Variants in KDM2B observed in about 807,000 individuals in gnomAD.
The protein encoded by KDM2B is lysine-specific demethylase 2B.
A neutral mutation model predicts 150.0 loss-of-function variants in KDM2B; 26 were observed. The ratio of observed to expected loss-of-function variants is 0.17; its 90% CI spans 0.13 to 0.24. The LOEUF (loss-of-function observed/expected upper bound fraction) is 0.24, where lower values mean the gene tolerates loss of function less well. Among genes scored for constraint, KDM2B ranks in the 10% least tolerant of loss-of-function variants. The probability of loss-of-function intolerance (pLI) is 1.00; values close to 1 mark genes in which losing one functional copy is unlikely to be tolerated. For synonymous variants in KDM2B, 734 were observed against 729.5 expected (o/e 1.01, Z -0.10); for missense variants, 1,265 against 1,816.9 (o/e 0.70, Z 5.52).
Position 121,430,123 on chromosome 12 carries a change from T to A in KDM2B, c.*165A>T. 1 of 1,613,078 alleles carries A rather than the reference T, an allele frequency of 6.2e-7. No individual in the cohort carries two copies. The highest frequency in any genetic ancestry group is 1.1e-5 in the South Asian group (1 of 91,034). On this transcript the variant is annotated 3_prime_UTR_variant, in exon 23 of 23. Coordinates refer to ENST00000377071, the MANE Select transcript of KDM2B (RefSeq NM_032590.5). This position sits in a 1 kb window ranked among gnomAD's most constrained non-coding sequence, Gnocchi z 4.4. Reference sequence around the variant, plus strand: ...CCAAAGGAAAGTGTCGGCTCACTCATCCCCCAAACGGGTGGTTGAACAGCT... The same window carrying A: ...CCAAAGGAAAGTGTCGGCTCACTCAACCCCCAAACGGGTGGTTGAACAGCT...
In KDM2B at chr12:121,448,037, G is replaced by C. The variant is rs532917362; in HGVS notation, c.1960-2619C>G. On this transcript the variant is annotated intron_variant, in intron 13 of 22. Transcript: ENST00000377071. ...TTTAAAATCTAAAAAAAAATTTCTT[G>C]GCCAGGAGTGATAGCACATGCCTGC... Among the ~76,000 whole-genome samples the C allele has an allele frequency of 2.0e-5, 3 of 151,906 alleles. No homozygotes were observed. In the East Asian group the frequency reaches 5.8e-4, roughly 29 times the overall value.
the KDM2B span, chr12:121,417,906 G>A: frequency 6.2e-7 from 1 of 1,613,586 alleles, no homozygotes; most frequent in South Asian, 1.1e-5. The surrounding 1 kb of genome is among the most constrained non-coding windows in gnomAD (Gnocchi z 5.0). Context: ...TGGAGTGCCG[G>A]CACAGGTACG....
At chr12:121,411,416 C>T in the KDM2B span, among the ~76,000 whole-genome samples, 1 of 152,032 alleles carries the variant, frequency 6.6e-6, no homozygotes, top group Non-Finnish European at 1.5e-5. Flanking sequence ...CTTCTATTCC[C>T]TTTACCAGAG....
rs782445348 is a variant in KDM2B at position 121,561,691 on chromosome 12, C to T, written c.398-12053G>A. On this transcript the variant is annotated intron_variant, in intron 4 of 22. Coordinates refer to ENST00000377071, the MANE Select transcript of KDM2B (RefSeq NM_032590.5). ...TTTTCTTCTGGGGGTCTATTGGAAGCATTGTGTTCTCCCAATCACTGAAAG... is the reference window on the plus strand; with the variant it reads ...TTTTCTTCTGGGGGTCTATTGGAAGTATTGTGTTCTCCCAATCACTGAAAG... Among the ~76,000 whole-genome samples the T allele has an allele frequency of 5.5e-4, 84 of 152,136 alleles. 2 individuals carry two copies. The highest frequency in any genetic ancestry group is 1.9e-4 in the Non-Finnish European group (13 of 68,038).
At chr12:121,458,446 C>T (rs1406334490) in intron 12 of KDM2B, among the ~76,000 whole-genome samples, 1 of 149,544 alleles carries the variant, frequency 6.7e-6, no homozygotes, top group African/African-American at 2.5e-5. Flanking sequence ...GAAATGGACA[C>T]ACTATCCTAA....
Position 121,442,147 on chromosome 12 carries a change from C to T in KDM2B, c.3284+10G>A. On this transcript the variant is annotated intron_variant, in intron 19 of 22. Coordinates refer to ENST00000377071, the MANE Select transcript of KDM2B (RefSeq NM_032590.5). This position sits in a 1 kb window ranked among gnomAD's most constrained non-coding sequence, Gnocchi z 7.7. ...CCTTAACCTAGAGCCCTACACAGGC[C>T]GCCGCTCACCAGCGGTTCCAGGTCC... The T allele has an allele frequency of 1.2e-6, 2 of 1,612,726 alleles. No homozygotes were observed. The highest frequency in any genetic ancestry group is 1.7e-6 in the Non-Finnish European group (2 of 1,179,290).
chr12:121,420,639 T>A, the KDM2B span: 1 of 1,613,992 alleles, frequency 6.2e-7, no homozygotes, highest in African/African-American at 1.3e-5. Flanking sequence ...GCCTTGATGA[T>A]GTGGAAGGAA....
chr12:121,428,904 G>A (rs1254775181), downstream of KDM2B, among the ~76,000 whole-genome samples: 1 of 152,176 alleles, frequency 6.6e-6, no homozygotes, highest in Admixed American at 6.6e-5. Flanking sequence ...ATTCTGTGTG[G>A]TAAGAGGCAC....
chr12:121,566,098 C>T (rs1166208320), intron 4 of KDM2B, among the ~76,000 whole-genome samples: 4 of 152,044 alleles, frequency 2.6e-5, no homozygotes, highest in Non-Finnish European at 4.4e-5. Flanking sequence ...TTGAGAAAAA[C>T]GTGAAAATCT....
intron 12 of KDM2B, among the ~76,000 whole-genome samples, chr12:121,479,328 A>T (rs536226769): frequency 6.9e-6 from 1 of 145,044 alleles, no homozygotes; most frequent in Admixed American, 6.9e-5. Context: ...TTAGCCAGGC[A>T]TGGTGGCGGG....
At chr12:121,457,489 C>T (rs1303934727) in intron 12 of KDM2B, among the ~76,000 whole-genome samples, 1 of 151,888 alleles carries the variant, frequency 6.6e-6, no homozygotes, top group Non-Finnish European at 1.5e-5. Flanking sequence ...CTCAAACTCC[C>T]GGCCTCAAGT....
In KDM2B at chr12:121,444,544, G is replaced by C. The variant is rs782328451; in HGVS notation, c.2104-8C>G. The C allele has an allele frequency of 5.6e-6, 9 of 1,612,986 alleles. No individual in the cohort carries two copies. The South Asian group carries it at 9.9e-5, about 18-fold the overall frequency. On this transcript the variant is annotated splice_region_variant and splice_polypyrimidine_tract_variant and intron_variant, in intron 14 of 22. Coordinates refer to ENST00000377071, the MANE Select transcript of KDM2B (RefSeq NM_032590.5). ...ACCCTCTGACTCCTTAATCTGCGGG[G>C]AACACCAGGACTCAGAAGAGGGACG...
intron 12 of KDM2B, among the ~76,000 whole-genome samples, chr12:121,481,763 T>TGTTTGTTTG (rs147027584): frequency 1.3e-5 from 2 of 148,706 alleles, no homozygotes; most frequent in Non-Finnish European, 3.0e-5. Context: ...TTAGGGTTTT[T>TGTTTGTTTG]TTTGTTTGTT....
At chr12:121,433,437 C>G (rs990714399) in intron 22 of KDM2B, among the ~76,000 whole-genome samples, 4 of 152,190 alleles carry the variant, frequency 2.6e-5, no homozygotes, top group African/African-American at 7.2e-5. Context: ...CCAGGCTGGT[C>G]TAGGACACCT....
intron 8 of KDM2B, among the ~76,000 whole-genome samples, chr12:121,527,610 C>T (rs1403028716): frequency 2.1e-5 from 3 of 140,726 alleles, no homozygotes; most frequent in East Asian, 2.2e-4. Flanking sequence ...GCTGAGATCG[C>T]GCCACTGCAC....
the KDM2B span, chr12:121,417,504 C>T: frequency 1.2e-6 from 2 of 1,607,932 alleles, no homozygotes; most frequent in East Asian, 2.2e-5. This position sits in a 1 kb window ranked among gnomAD's most constrained non-coding sequence, Gnocchi z 5.0. Context: ...CTTTCTTCAG[C>T]ATGTTTGCTG....
the KDM2B span, among the ~76,000 whole-genome samples, chr12:121,421,446 G>T: frequency 6.7e-6 from 1 of 150,280 alleles, no homozygotes; most frequent in African/African-American, 2.4e-5. Flanking sequence ...CCAGCTACTT[G>T]GGAGGCTGAG....
Position 121,439,950 on chromosome 12 carries a change from T to C in KDM2B, c.3736A>G (p.Ser1246Gly), listed in dbSNP as rs369462105. ...TGGTCGGTGACGTGGTTACAGTAAC[T>C]GAGGTGGAGCTTGGAGAGCAGGGGC... ...HMPLLSKLHL[S>G]YCNHVTDQSI... The change falls in exon 22 of 23, where the codon AGT (serine) becomes GGT (glycine). Residue 1246 changes from serine to glycine, a missense_variant. Physicochemically the swap from Ser to Gly is moderately conservative, Grantham distance 56. Transcript: ENST00000377071. 16 of 1,614,054 alleles carry C rather than the reference T, an allele frequency of 9.9e-6. No individual in the cohort carries two copies. Among genetic ancestry groups the C allele is most frequent in the Non-Finnish European group, 1.4e-5 (16 of 1,180,016 alleles).
Position 121,441,926 on chromosome 12 carries a change from C to T in KDM2B, c.3284+231G>A, listed in dbSNP as rs73224261. Among the ~76,000 whole-genome samples the T allele has an allele frequency of 5.1e-3, 779 of 152,366 alleles. 4 individuals carry two copies. The highest frequency in any genetic ancestry group is 9.0e-3 in the Non-Finnish European group (609 of 68,036). ...TGGACTAACTCTCCGAAGCCAAGGA[C>T]TCCACGTGGTCCTCACTTCACCCTC... On this transcript the variant is annotated intron_variant, in intron 19 of 22. Transcript: ENST00000377071.
Sources: allele counts gnomAD v4.1 joint callset (sites outside exome capture counted in the v4.1 genomes callset), GRCh38; gene constraint gnomAD v4.1.1; non-coding constraint Gnocchi (gnomAD v3.1); transcripts MANE v1.5; gene names NCBI Gene and HGNC (gene_info 2026-07-23, HGNC 2026-07-21).